The following RFTN1 variants were observed in gnomAD, a reference collection of about 807,000 sequenced individuals.
The protein encoded by RFTN1 is raftlin, lipid raft linker 1, also known as raftlin.
RFTN1 carries 26 observed loss-of-function variants against 46.5 expected under a neutral mutation model. That is an observed-to-expected ratio of 0.56 (90% CI 0.41 to 0.78). RFTN1 has a LOEUF of 0.78. Ranked by LOEUF, RFTN1 falls within the 30% of genes least tolerant of loss-of-function variation. RFTN1 has a pLI of 0.00. For synonymous variants in RFTN1, 261 were observed against 284.2 expected (o/e 0.92, Z 0.82); for missense variants, 693 against 718.7 (o/e 0.96, Z 0.41).
rs534145654 is a variant in RFTN1 at position 16,356,368 on chromosome 3, C to G, written c.1146+1564G>C. On this transcript the variant is annotated intron_variant, in intron 7 of 9. Coordinates refer to ENST00000334133, the MANE Select transcript of RFTN1 (RefSeq NM_015150.2). The surrounding 1 kb of genome is among the most constrained non-coding windows in gnomAD (Gnocchi z 4.9). ...CTTCCCTCAGGACTTCTGGCCCCTA[C>G]GCTAACCAGCCCCGGATGCTGTGAC... is the stretch of plus-strand genomic sequence containing the variant. 6.6e-6 allele frequency among the ~76,000 whole-genome samples: 1 copy of G among 152,194 alleles called. No individual in the cohort carries two copies. The highest frequency in any genetic ancestry group is 1.5e-5 in the Non-Finnish European group (1 of 68,030).
chr3:16,380,893 T>C lies in RFTN1; in HGVS notation c.442-2791A>G, dbSNP rs945798809. On this transcript the variant is annotated intron_variant, in intron 4 of 9. Transcript: ENST00000334133. The surrounding 1 kb of genome is among the most constrained non-coding windows in gnomAD (Gnocchi z 4.8). ...ATATTAAATAATGGATGAATATGTA[T>C]GCCTTCTCTCCCGAAATGAGCTCCT... 1.3e-5 allele frequency among the ~76,000 whole-genome samples: 2 copies of C among 152,222 alleles called. No individual in the cohort carries two copies. Among genetic ancestry groups the C allele is most frequent in the African/African-American group, 4.8e-5 (2 of 41,442 alleles).
chr3:16,485,409 C>T (rs932888780), intron 2 of RFTN1, among the ~76,000 whole-genome samples: 2 of 152,174 alleles, frequency 1.3e-5, no homozygotes, highest in Non-Finnish European at 2.9e-5. Flanking sequence ...ACAGCAAGGA[C>T]TCCATATATA....
chr3:16,423,600 C>T (rs902469673), intron 3 of RFTN1, among the ~76,000 whole-genome samples: 1 of 152,072 alleles, frequency 6.6e-6, no homozygotes, highest in Non-Finnish European at 1.5e-5. Flanking sequence ...TAATATATAT[C>T]ATGAAGCAAT....
intron 8 of RFTN1, 75 bp downstream of exon 8, chr3:16,326,698 G>T: frequency 9.3e-7 from 1 of 1,072,540 alleles, no homozygotes; most frequent in Non-Finnish European, 1.4e-6. Flanking sequence ...TTATAGACGT[G>T]AGGTGCTCAT....
Position 16,468,223 on chromosome 3 carries a change from C to T in RFTN1, c.145+25502G>A, listed in dbSNP as rs1404808189. On this transcript the variant is annotated intron_variant, in intron 2 of 9. Transcript: ENST00000334133. This position sits in a 1 kb window ranked among gnomAD's most constrained non-coding sequence, Gnocchi z 4.4. ...TCGGCTTAATTTATGTGGCTCATTC[C>T]TCATTCCCTTTCAGCTGACAGGCTT... is the stretch of plus-strand genomic sequence containing the variant. 6.6e-6 allele frequency among the ~76,000 whole-genome samples: 1 copy of T among 152,208 alleles called. No individual in the cohort carries two copies. The highest frequency in any genetic ancestry group is 1.5e-5 in the Non-Finnish European group (1 of 68,042).
At chr3:16,408,232 A>G (rs960307980) in intron 4 of RFTN1, among the ~76,000 whole-genome samples, 22 of 151,836 alleles carry the variant, frequency 1.4e-4, no homozygotes, top group African/African-American at 5.1e-4. Context: ...CGCATCCCCA[A>G]AGACACCCCG....
In RFTN1 at chr3:16,395,562, C is replaced by T. The variant is rs138797901; in HGVS notation, c.441+13813G>A. On this transcript the variant is annotated intron_variant, in intron 4 of 9. Coordinates refer to ENST00000334133, the MANE Select transcript of RFTN1 (RefSeq NM_015150.2). ...CTGGAATCAAGAGATCCACCCCCCT[C>T]GGCCTCCTGAGTGGCTGGGATTACA... is the stretch of plus-strand genomic sequence containing the variant. 4.0e-4 allele frequency among the ~76,000 whole-genome samples: 61 copies of T among 152,196 alleles called. No homozygotes were observed. The East Asian group carries it at 0.01, about 26-fold the overall frequency.
intron 6 of RFTN1, among the ~76,000 whole-genome samples, chr3:16,364,668 A>G (rs568037422): frequency 1.3e-5 from 2 of 152,344 alleles, no homozygotes; most frequent in East Asian, 3.9e-4. Context: ...AAATAAATAA[A>G]TAAATAAAAA....
At chr3:16,357,656 T>C (rs886106572) in intron 7 of RFTN1, among the ~76,000 whole-genome samples, 2 of 152,172 alleles carry the variant, frequency 1.3e-5, no homozygotes, top group African/African-American at 4.8e-5. Flanking sequence ...TTGTCAGTTA[T>C]ATGCAAATTA....
Position 16,377,975 on chromosome 3 carries a change from G to A in RFTN1, c.569C>T (p.Ala190Val). 2 of 1,614,106 alleles carry A rather than the reference G, an allele frequency of 1.2e-6. No homozygotes were observed. The highest frequency in any genetic ancestry group is 1.7e-6 in the Non-Finnish European group (2 of 1,179,998). ...CGCGTGATCCCCACGTGCGTTTTTT[G>A]CATCTCTGGCATCCTCGGTGCTGTT... ...TANSTEDARD[A>V]KNARGDHASL... The change falls in exon 5 of 10, where the codon GCA becomes GTA. Residue 190 changes from alanine to valine, a missense_variant. Transcript: ENST00000334133.
intron 5 of RFTN1, among the ~76,000 whole-genome samples, chr3:16,373,156 G>C (rs567485191): frequency 6.6e-6 from 1 of 152,350 alleles, no homozygotes; most frequent in South Asian, 2.1e-4. Context: ...ACCCCAGCTG[G>C]AAGATTTTTC....
At chr3:16,409,286 G>T in intron 4 of RFTN1, 89 bp downstream of exon 4, 1 of 875,286 alleles carries the variant, frequency 1.1e-6, no homozygotes, top group African/African-American at 1.7e-5. Flanking sequence ...TCTTGAGTGT[G>T]GCTGATCTGT....
At chr3:16,392,433 C>T (rs971048974) in intron 4 of RFTN1, among the ~76,000 whole-genome samples, 9 of 151,994 alleles carry the variant, frequency 5.9e-5, no homozygotes, top group African/African-American at 1.7e-4. Context: ...GAGGTGTCAC[C>T]GAGGTGGGAT....
At chr3:16,343,799 G>A (rs1326781489) in intron 7 of RFTN1, among the ~76,000 whole-genome samples, 1 of 152,192 alleles carries the variant, frequency 6.6e-6, no homozygotes, top group African/African-American at 2.4e-5. Flanking sequence ...CTGACTCAAG[G>A]AGTTTGCATA....
At chr3:16,330,652 G>T (rs1393335576) in intron 7 of RFTN1, among the ~76,000 whole-genome samples, 2 of 152,214 alleles carry the variant, frequency 1.3e-5, no homozygotes, top group Non-Finnish European at 2.9e-5. Context: ...TTAAAAAATG[G>T]AGCATGTCCT....
intron 2 of RFTN1, among the ~76,000 whole-genome samples, chr3:16,486,346 T>A (rs2076445997): frequency 6.6e-6 from 1 of 152,044 alleles, no homozygotes; most frequent in Non-Finnish European, 1.5e-5. Context: ...CCCTCCATCT[T>A]AAAAACCTTC....
Position 16,361,294 on chromosome 3 carries a change from C to A in RFTN1, c.1031-3247G>T, listed in dbSNP as rs950494552. On this transcript the variant is annotated intron_variant, in intron 6 of 9. Coordinates refer to ENST00000334133, the MANE Select transcript of RFTN1 (RefSeq NM_015150.2). This position sits in a 1 kb window ranked among gnomAD's most constrained non-coding sequence, Gnocchi z 4.3. Reference sequence around the variant, plus strand: ...AACCTTCCAGCCATTCATTATGACACCTACTGGGAATCTATTATGTGCCAA... The same window carrying A: ...AACCTTCCAGCCATTCATTATGACAACTACTGGGAATCTATTATGTGCCAA... 2.0e-5 allele frequency among the ~76,000 whole-genome samples: 3 copies of A among 152,184 alleles called. No individual in the cohort carries two copies. Among genetic ancestry groups the A allele is most frequent in the Admixed American group, 1.3e-4 (2 of 15,282 alleles).
chr3:16,502,140 G>A (rs2076720208), intron 1 of RFTN1, among the ~76,000 whole-genome samples: 1 of 152,030 alleles, frequency 6.6e-6, no homozygotes, highest in African/African-American at 2.4e-5. Flanking sequence ...GCCAAGGCAG[G>A]TGAATCACTT....
chr3:16,428,013 T>A lies in RFTN1; in HGVS notation c.332+5838A>T, dbSNP rs1449287930. ...GACTTACCTGGGCAATTATATAATT[T>A]GCACATATATTTTGCAGCTCCCTAG... On this transcript the variant is annotated intron_variant, in intron 3 of 9. Transcript: ENST00000334133. The surrounding 1 kb of genome is among the most constrained non-coding windows in gnomAD (Gnocchi z 4.7). Among the ~76,000 whole-genome samples the A allele has an allele frequency of 6.7e-6, 1 of 148,978 alleles. No homozygotes were observed. The highest frequency in any genetic ancestry group is 1.5e-5 in the Non-Finnish European group (1 of 67,270).
Sources: allele counts gnomAD v4.1 joint callset (sites outside exome capture counted in the v4.1 genomes callset), GRCh38; gene constraint gnomAD v4.1.1; non-coding constraint Gnocchi (gnomAD v3.1); transcripts MANE v1.5; gene names NCBI Gene and HGNC (gene_info 2026-07-23, HGNC 2026-07-21).